SATB2: variants seen among roughly 807,000 people sequenced by gnomAD.
The protein encoded by SATB2 is DNA-binding protein SATB2.
SATB2 carries 1 observed loss-of-function variant against 73.4 expected under a neutral mutation model. That is an observed-to-expected ratio of 0.01 (90% CI 0.00 to 0.06). SATB2 has a LOEUF of 0.06. Among genes scored for constraint, SATB2 ranks in the 10% least tolerant of loss-of-function variants. The probability of loss-of-function intolerance (pLI) is 1.00; values close to 1 mark genes in which losing one functional copy is unlikely to be tolerated. For synonymous variants in SATB2, 397 were observed against 367.0 expected, an observed-to-expected ratio of 1.08 and a Z score of -0.93; for missense variants, 459 against 945.8, an observed-to-expected ratio of 0.49 and a Z score of 6.75.
intron 10 of SATB2, among the ~76,000 whole-genome samples, chr2:199,303,599 A>G: frequency 6.6e-6 from 1 of 152,162 alleles, no homozygotes; most frequent in South Asian, 2.1e-4. Context: ...GATATTTGGC[A>G]GCATCTCTGA....
intron 2 of SATB2, among the ~76,000 whole-genome samples, chr2:199,440,423 CCTT>C (rs1230272017): frequency 6.6e-6 from 1 of 152,170 alleles, no homozygotes; most frequent in Non-Finnish European, 1.5e-5. Flanking sequence ...TTAGTGTTCT[CCTT>C]AATCTCCTCA....
chr2:199,426,939 T>C (rs1168761477), intron 3 of SATB2, among the ~76,000 whole-genome samples: 1 of 152,080 alleles, frequency 6.6e-6, no homozygotes, highest in African/African-American at 2.4e-5. Flanking sequence ...ACTATCACAA[T>C]CTTGGCTCAC....
intron 1 of SATB2, 79 bp from the exon 2 acceptor site, chr2:199,456,175 C>A (rs1692268926): frequency 1.2e-6 from 1 of 850,066 alleles, no homozygotes; most frequent in Admixed American, 2.0e-5. Flanking sequence ...GACGTTCAGG[C>A]CAGTGGCAGA....
At chr2:199,441,634 G>A (rs1326855135) in intron 2 of SATB2, among the ~76,000 whole-genome samples, 2 of 152,258 alleles carry the variant, frequency 1.3e-5, no homozygotes, top group African/African-American at 4.8e-5. Flanking sequence ...ATGGGAGAGT[G>A]GACGCTAGTC....
upstream of SATB2, among the ~76,000 whole-genome samples, chr2:199,459,190 G>T (rs1180284711): frequency 1.3e-5 from 2 of 152,054 alleles, no homozygotes. This position sits in a 1 kb window ranked among gnomAD's most constrained non-coding sequence, Gnocchi z 4.2. Context: ...AGCTGCTCGA[G>T]CCCAGGGCTG....
chr2:199,426,692 C>CAAAAA (rs200293007), intron 3 of SATB2, among the ~76,000 whole-genome samples: 85 of 127,754 alleles, frequency 6.7e-4, no homozygotes, highest in African/African-American at 1.1e-3. Flanking sequence ...CATTCTCTCT[C>CAAAAA]AAAAAAAAAA....
intron 3 of SATB2, among the ~76,000 whole-genome samples, chr2:199,425,324 A>G (rs1290510507): frequency 2.0e-5 from 3 of 152,248 alleles, no homozygotes; most frequent in Non-Finnish European, 4.4e-5. Flanking sequence ...TCTGGAGAAG[A>G]AGGACTTTAG....
At chr2:199,338,917 TAAAAAAA>T (rs564809180) in intron 7 of SATB2, among the ~76,000 whole-genome samples, 6 of 128,076 alleles carry the variant, frequency 4.7e-5, no homozygotes, top group Non-Finnish European at 9.6e-5. Flanking sequence ...GACTCTGTCT[TAAAAAAA>T]AAAAAAAAAA....
At chr2:199,371,984 G>A (rs1478664106) in intron 5 of SATB2, among the ~76,000 whole-genome samples, 1 of 152,090 alleles carries the variant, frequency 6.6e-6, no homozygotes, top group Non-Finnish European at 1.5e-5. Context: ...CGTATAATGG[G>A]CAACTGCGGC....
rs183526937 is a variant in SATB2, at chr2:199,333,745, C to G, written c.1174-4835G>C. Among the ~76,000 whole-genome samples, 58 of 152,270 alleles carry G rather than the reference C, an allele frequency of 3.8e-4. 1 individual carries two copies. The highest frequency in any genetic ancestry group is 1.2e-3 in the African/African-American group (49 of 41,578). ...AGTGATATTAGATAATCTGTTCAGC[C>G]TTTTTGTCACCTGCAACAAATTAGG... On this transcript the variant is annotated intron_variant, in intron 7 of 10. Transcript: ENST00000417098.
chr2:199,349,065 T>A lies in SATB2; in HGVS notation c.809A>T (p.Gln270Leu). Residue 270 changes from glutamine to leucine, a missense_variant, in exon 7 of 11, where the codon CAG (glutamine) becomes CTG (leucine). This residue lies in a region of SATB2 where 77 missense variants were observed against 90.4 expected (regional missense o/e 0.85). Coordinates refer to ENST00000417098, the MANE Select transcript of SATB2 (RefSeq NM_001172509.2). ...QLASLGKTNE[Q>L]SPHSQIHHST... is the part of the protein sequence containing the mutation. ...GTGGTGAATTTGGCTGTGAGGAGAC[T>A]GTTCGTTGGTTTTCCCCAGGGATGC... 4 of 1,614,096 alleles carry A rather than the reference T, an allele frequency of 2.5e-6. No individual in the cohort carries two copies. The highest frequency in any genetic ancestry group is 3.4e-6 in the Non-Finnish European group (4 of 1,179,968).
intron 3 of SATB2, among the ~76,000 whole-genome samples, chr2:199,406,083 T>G (rs192223580): frequency 1.1e-4 from 16 of 152,308 alleles, no homozygotes; most frequent in Non-Finnish European, 2.2e-4. Context: ...AGATGATTAT[T>G]TAAAGTATAC....
intron 3 of SATB2, chr2:199,396,114 A>G (rs1690293023): frequency 6.6e-6 from 1 of 152,230 alleles, no homozygotes; most frequent in Non-Finnish European, 1.5e-5. Context: ...TTTACTTTGT[A>G]TAAGTCTTTA....
chr2:199,281,920 C>T (rs974775526), intron 10 of SATB2, among the ~76,000 whole-genome samples: 3 of 147,738 alleles, frequency 2.0e-5, no homozygotes, highest in African/African-American at 5.0e-5. Flanking sequence ...CTTGCTCTGT[C>T]GCCCAGGCTG....
At chr2:199,402,237 T>G (rs1162865278) in intron 3 of SATB2, among the ~76,000 whole-genome samples, 1 of 151,998 alleles carries the variant, frequency 6.6e-6, no homozygotes, top group East Asian at 1.9e-4. Flanking sequence ...ATACAAAAAT[T>G]AGCCAGGCGT....
chr2:199,286,597 C>A (rs1474154534), intron 10 of SATB2, among the ~76,000 whole-genome samples: 1 of 152,098 alleles, frequency 6.6e-6, no homozygotes, highest in African/African-American at 2.4e-5. Flanking sequence ...CCCAGCCCAC[C>A]CACCACACGC....
intron 5 of SATB2, among the ~76,000 whole-genome samples, chr2:199,374,208 AT>A (rs1234825700): frequency 6.6e-6 from 1 of 152,234 alleles, no homozygotes; most frequent in Non-Finnish European, 1.5e-5. Context: ...TTAGTCAGTC[AT>A]TTTGTTCCTC....
At chr2:199,348,234 A>C (rs1314498746) in intron 7 of SATB2, 1 of 152,392 alleles carries the variant, frequency 6.6e-6, no homozygotes, top group East Asian at 1.9e-4. Flanking sequence ...ATAAATTTTT[A>C]AATAAAACTT....
At chr2:199,301,431 G>A (rs538389295) in intron 10 of SATB2, among the ~76,000 whole-genome samples, 14 of 152,212 alleles carry the variant, frequency 9.2e-5, no homozygotes, top group Admixed American at 3.3e-4. Context: ...TCATTCACAG[G>A]TTACCTACAA....
Sources: gnomAD v4.1 joint callset for allele counts (sites outside exome capture counted in the v4.1 genomes callset) on GRCh38, gnomAD v4.1.1 for gene constraint, gnomAD v4.1.1 regional missense constraint, Gnocchi (gnomAD v3.1) non-coding constraint, MANE v1.5 for transcripts, NCBI Gene and HGNC (gene_info 2026-07-23, HGNC 2026-07-21) for gene names.